The following DROSHA variants were observed in gnomAD, a reference collection of about 807,000 sequenced individuals.
The protein encoded by DROSHA is drosha ribonuclease III.
A neutral mutation model predicts 181.9 loss-of-function variants in DROSHA; 56 were observed. That is an observed-to-expected ratio of 0.31 (90% CI 0.25 to 0.38). DROSHA has a LOEUF of 0.38. DROSHA is among the 10% of genes least tolerant of loss of function. DROSHA has a pLI of 1.00. For missense variants in DROSHA, 1,218 were observed against 1,743.5 expected (o/e 0.70, Z 5.37); for synonymous variants, 524 against 591.2 (o/e 0.89, Z 1.65).
intron 26 of DROSHA, 127 bp downstream of exon 26, chr5:31,431,449 G>A (rs482974): frequency 0.024 from 18,467 of 765,966 alleles, 1,200 homozygotes; most frequent in East Asian, 0.21. Context: ...GGTAGGTGTC[G>A]TCCTAGGAAC....
intron 23 of DROSHA, among the ~76,000 whole-genome samples, chr5:31,439,317 C>T (rs1393659247): frequency 1.3e-5 from 2 of 152,046 alleles, no homozygotes; most frequent in Non-Finnish European, 2.9e-5. Flanking sequence ...TGGGATAATC[C>T]CTTTTTCTAG....
chr5:31,431,704 TAAGA>T (rs751823165), intron 25 of DROSHA, 26 bp from the exon 26 acceptor site: 15 of 1,612,048 alleles, frequency 9.3e-6, no homozygotes, highest in African/African-American at 8.0e-5. Flanking sequence ...TGACAAAACG[TAAGA>T]AAGAGTTTGC....
chr5:31,517,383 CCCAAGGTT>C (rs2150058232), intron 6 of DROSHA, among the ~76,000 whole-genome samples: 1 of 152,204 alleles, frequency 6.6e-6, no homozygotes, highest in Admixed American at 6.5e-5. Context: ...CATTTCCTAT[CCCAAGGTT>C]AAAAAAAGAT....
intron 5 of DROSHA, among the ~76,000 whole-genome samples, chr5:31,521,493 C>CT (rs1224088326): frequency 1.6e-4 from 24 of 152,170 alleles, no homozygotes; most frequent in Non-Finnish European, 7.3e-5. Context: ...CTAATCTTCC[C>CT]TTAAAACCTT....
At chr5:31,410,583 A>C (rs182685524) in intron 31 of DROSHA, among the ~76,000 whole-genome samples, 163 bp downstream of exon 31, 1 of 152,356 alleles carries the variant, frequency 6.6e-6, no homozygotes, top group East Asian at 1.9e-4. Flanking sequence ...TTAGTTTCAA[A>C]TTATTTTCCT....
chr5:31,486,273 GA>G (rs1225756309), intron 14 of DROSHA, among the ~76,000 whole-genome samples: 1 of 152,136 alleles, frequency 6.6e-6, no homozygotes, highest in African/African-American at 2.4e-5. Context: ...AACACAAGGA[GA>G]AAGGGGTATA....
At chr5:31,429,988 C>G (rs1038345089) in intron 26 of DROSHA, among the ~76,000 whole-genome samples, 4 of 152,098 alleles carry the variant, frequency 2.6e-5, no homozygotes, top group Non-Finnish European at 4.4e-5. Flanking sequence ...ATGAAGGCAT[C>G]TGCAAACAAA....
chr5:31,424,309 G>T (rs1743187841), intron 28 of DROSHA, 118 bp downstream of exon 28: 3 of 1,302,444 alleles, frequency 2.3e-6, no homozygotes, highest in African/African-American at 1.5e-5. Flanking sequence ...CAGCTTAAAG[G>T]CACAATGCCA....
intron 17 of DROSHA, among the ~76,000 whole-genome samples, chr5:31,469,794 C>T (rs1308569442): frequency 6.6e-6 from 1 of 152,106 alleles, no homozygotes; most frequent in Non-Finnish European, 1.5e-5. Context: ...TTTATTATGC[C>T]ATCTTTGTTT....
In DROSHA at chr5:31,529,138, C is replaced by T. The variant is rs1035121640; in HGVS notation, c.-46-33G>A. On this transcript the variant is annotated intron_variant, in intron 3 of 35. Transcript: ENST00000344624. ...ACAGAAAGAATAAAACAGACATAAA[C>T]ATGTTTCCCAAACTGCCAATGCTAC... 17 of 1,557,410 alleles carry T rather than the reference C, an allele frequency of 1.1e-5. No individual in the cohort carries two copies. The African/African-American group carries it at 1.5e-4, about 14-fold the overall frequency.
rs10039385 is a variant in DROSHA at position 31,435,780 on chromosome 5, A to G, written c.3027T>C (p.Leu1009=). Residue 1009 remains leucine (L), a synonymous_variant, in exon 25 of 36, where the codon CTT becomes CTC. Coordinates refer to ENST00000344624, the MANE Select transcript of DROSHA (RefSeq NM_001382508.1). ...TCTTCTATACCTTTGCTAGCATGGC[A>G]AGGTGCTGATTCTGAACAATGGCAG... The part of the protein sequence containing the change: ...YRTAIVQNQH[L]AMLAKKLELD... 7,578 of 1,613,836 alleles carry G rather than the reference A, an allele frequency of 4.7e-3. 280 individuals are homozygous for G. The African/African-American group carries it at 0.081, about 17-fold the overall frequency.
intron 20 of DROSHA, among the ~76,000 whole-genome samples, chr5:31,456,363 A>C (rs1747657019): frequency 6.6e-6 from 1 of 152,048 alleles, no homozygotes; most frequent in Non-Finnish European, 1.5e-5. Flanking sequence ...TGCCTTATTA[A>C]CTTGCAACAA....
At chr5:31,511,921 TCA>T (rs756142768) in intron 8 of DROSHA, among the ~76,000 whole-genome samples, 206 of 131,522 alleles carry the variant, frequency 1.6e-3, no homozygotes, top group African/African-American at 4.3e-3. Context: ...TCTCTCTCTC[TCA>T]CACACACGCA....
At chr5:31,474,338 C>T (rs1750115114) in intron 16 of DROSHA, among the ~76,000 whole-genome samples, 1 of 151,864 alleles carries the variant, frequency 6.6e-6, no homozygotes, top group East Asian at 1.9e-4. Flanking sequence ...GTTTGTGTTC[C>T]CCCAAATTTC....
intron 14 of DROSHA, among the ~76,000 whole-genome samples, chr5:31,485,635 T>TTAA (rs370241937): frequency 4.4e-5 from 6 of 136,030 alleles, no homozygotes; most frequent in African/African-American, 1.7e-4. Flanking sequence ...AAAAGGAAGT[T>TTAA]AAAAAAAAAA....
rs760627877 is a variant in DROSHA, at chr5:31,409,350, C to T, written c.3668-18G>A. ...AATAAATGCTGGGGAAAAAAGAATACTTTAAAATAAACCACAATCACTGCC... is the reference window on the plus strand; with the variant it reads ...AATAAATGCTGGGGAAAAAAGAATATTTTAAAATAAACCACAATCACTGCC... On this transcript the variant is annotated intron_variant, in intron 31 of 35. Transcript: ENST00000344624. The surrounding 1 kb of genome is among the most constrained non-coding windows in gnomAD (Gnocchi z 4.0). The T allele has an allele frequency of 2.8e-5, 43 of 1,556,830 alleles. No individual in the cohort carries two copies. Among genetic ancestry groups the T allele is most frequent in the Non-Finnish European group, 3.4e-5 (39 of 1,149,620 alleles).
chr5:31,429,342 T>C (rs1440679137), intron 27 of DROSHA, 133 bp downstream of exon 27: 9 of 734,714 alleles, frequency 1.2e-5, no homozygotes, highest in African/African-American at 3.7e-5. Flanking sequence ...TTTGGTGTAT[T>C]GAAATGTCCC....
At chr5:31,413,819 A>G (rs1484721062) in intron 30 of DROSHA, among the ~76,000 whole-genome samples, 1 of 152,216 alleles carries the variant, frequency 6.6e-6, no homozygotes, top group Non-Finnish European at 1.5e-5. Context: ...GGCCTCATTT[A>G]CCTGGCTGTA....
At chr5:31,476,634 C>T (rs112193960) in intron 16 of DROSHA, among the ~76,000 whole-genome samples, 2,926 of 152,186 alleles carry the variant, frequency 0.019, 86 homozygotes, top group African/African-American at 0.067. Flanking sequence ...AAAGTAGAAA[C>T]TCAGGGCAGA....
Sources: allele counts gnomAD v4.1 joint callset (sites outside exome capture counted in the v4.1 genomes callset), GRCh38; gene constraint gnomAD v4.1.1; non-coding constraint Gnocchi (gnomAD v3.1); transcripts MANE v1.5; gene names NCBI Gene and HGNC (gene_info 2026-07-23, HGNC 2026-07-21).